The following UNC13C variants were observed in gnomAD, a reference collection of about 807,000 sequenced individuals.
UNC13C encodes unc-13 homolog C, also known as protein unc-13 homolog C.
Under a neutral mutation model 245.4 loss-of-function variants are expected in UNC13C, and 174 were observed. The ratio of observed to expected loss-of-function variants is 0.71; its 90% CI spans 0.63 to 0.80. The LOEUF (loss-of-function observed/expected upper bound fraction) is 0.80, where lower values mean the gene tolerates loss of function less well. Ranked by LOEUF, UNC13C falls within the 30% of genes least tolerant of loss-of-function variation. The probability of loss-of-function intolerance (pLI) is 0.00; values close to 1 mark genes in which losing one functional copy is unlikely to be tolerated. For synonymous variants in UNC13C, 992 were observed against 895.1 expected (o/e 1.11, Z -1.93); for missense variants, 2,829 against 2,602.9 (o/e 1.09, Z -1.89).
chr15:54,124,802 G>A (rs917327614), intron 2 of UNC13C, among the ~76,000 whole-genome samples: 2 of 127,472 alleles, frequency 1.6e-5, no homozygotes, highest in Non-Finnish European at 1.7e-5. Flanking sequence ...TGCAAAAAAT[G>A]TGAAGTTTAG....
chr15:54,573,384 AAC>A (rs1897837716), intron 30 of UNC13C, among the ~76,000 whole-genome samples: 1 of 152,228 alleles, frequency 6.6e-6, no homozygotes, highest in South Asian at 2.1e-4. Flanking sequence ...ATATTGGAAA[AAC>A]AGTCTTCTCT....
intron 4 of UNC13C, among the ~76,000 whole-genome samples, chr15:54,160,482 C>T (rs2032929148): frequency 6.6e-6 from 1 of 151,196 alleles, no homozygotes; most frequent in Admixed American, 6.6e-5. Flanking sequence ...CCAGGATATC[C>T]TTTACTTACT....
At chr15:54,184,971 G>A (rs1056635615) in intron 4 of UNC13C, among the ~76,000 whole-genome samples, 6 of 152,162 alleles carry the variant, frequency 3.9e-5, no homozygotes, top group African/African-American at 1.4e-4. Context: ...TAACTGGTGT[G>A]AGATGGTATC....
intron 2 of UNC13C, among the ~76,000 whole-genome samples, chr15:54,082,869 T>C (rs1012826822): frequency 2.0e-5 from 3 of 152,048 alleles, no homozygotes; most frequent in Admixed American, 6.6e-5. Context: ...TGTGGATAGG[T>C]TCTGTGTGAT....
intron 26 of UNC13C, among the ~76,000 whole-genome samples, chr15:54,541,762 C>T (rs62022200): frequency 0.052 from 7,983 of 152,062 alleles, 353 homozygotes; most frequent in Admixed American, 0.13. Flanking sequence ...TATACAAATG[C>T]TAGATAATGT....
At position 54,014,861 on chromosome 15, in the gene UNC13C, A is replaced by G. The variant is rs532658962; in HGVS notation, c.1958A>G (p.Asp653Gly). Reference protein sequence around the residue: ...YSDSQLSLHEDLSPWKEWNQG... With the variant: ...YSDSQLSLHEGLSPWKEWNQG... ...GATTCTCAGCTCTCTTTACATGAGG[A>G]TCTTTCTCCATGGAAGGAATGGAAT... is the stretch of plus-strand genomic sequence containing the variant. Residue 653 changes from aspartate (D) to glycine (G), a missense_variant, in exon 2 of 33, where the codon GAT becomes GGT. Asp to Gly is a moderately conservative substitution (Grantham distance 94, BLOSUM62 -1). Transcript: ENST00000260323. 5.0e-6 allele frequency: 8 copies of G among 1,613,922 alleles called. No homozygotes were observed. The highest frequency in any genetic ancestry group is 1.1e-5 in the South Asian group (1 of 91,074).
At chr15:54,356,390 C>T (rs1274734795) in intron 17 of UNC13C, among the ~76,000 whole-genome samples, 1 of 152,014 alleles carries the variant, frequency 6.6e-6, no homozygotes, top group Admixed American at 6.6e-5. Context: ...TGTCCATATA[C>T]TGTTCTACCA....
intron 30 of UNC13C, among the ~76,000 whole-genome samples, chr15:54,591,440 G>A (rs373770306): frequency 5.3e-5 from 8 of 151,830 alleles, no homozygotes; most frequent in Admixed American, 3.9e-4. Flanking sequence ...TGTTGGTAAC[G>A]TTCTAATTAT....
At chr15:53,847,088 A>T in the UNC13C span, among the ~76,000 whole-genome samples, 11 of 152,174 alleles carry the variant, frequency 7.2e-5, no homozygotes, top group Admixed American at 5.2e-4. Flanking sequence ...AACAACAAAA[A>T]ACAACAAATG....
intron 17 of UNC13C, among the ~76,000 whole-genome samples, chr15:54,364,649 A>G (rs1273200164): frequency 6.6e-6 from 1 of 152,226 alleles, no homozygotes; most frequent in Non-Finnish European, 1.5e-5. Context: ...ACTCACACAA[A>G]TCTAAATAAG....
intron 4 of UNC13C, among the ~76,000 whole-genome samples, chr15:54,209,588 T>C (rs1410345854): frequency 1.3e-5 from 2 of 151,960 alleles, no homozygotes; most frequent in Non-Finnish European, 2.9e-5. Flanking sequence ...ACTTTCTGTG[T>C]TTTTTTGTAG....
At chr15:54,049,403 C>A in intron 2 of UNC13C, 1 of 508,960 alleles carries the variant, frequency 2.0e-6, no homozygotes, top group South Asian at 1.5e-5. Context: ...TCTTTGAGAT[C>A]AAATATAATT....
chr15:54,233,906 A>G (rs967230277), intron 4 of UNC13C, among the ~76,000 whole-genome samples: 3 of 152,210 alleles, frequency 2.0e-5, no homozygotes, highest in Admixed American at 2.0e-4. Flanking sequence ...TAGTTCAAGT[A>G]AGCATAAGGA....
intron 4 of UNC13C, among the ~76,000 whole-genome samples, chr15:54,221,867 T>C (rs1033785117): frequency 1.3e-5 from 2 of 152,124 alleles, no homozygotes; most frequent in Non-Finnish European, 2.9e-5. Context: ...TGTCCTCTTG[T>C]GGAATGGCAA....
chr15:54,432,111 A>G (rs964888604), intron 19 of UNC13C, among the ~76,000 whole-genome samples: 3 of 151,638 alleles, frequency 2.0e-5, no homozygotes, highest in African/African-American at 7.3e-5. Context: ...ACCATTTAAT[A>G]AGCTAATATT....
chr15:54,497,241 A>T (rs1465008857), intron 20 of UNC13C, among the ~76,000 whole-genome samples: 1 of 152,140 alleles, frequency 6.6e-6, no homozygotes, highest in East Asian at 1.9e-4. Context: ...TTGAGAATCT[A>T]AGATCCCTGA....
the UNC13C span, among the ~76,000 whole-genome samples, chr15:53,964,965 A>G: frequency 0.047 from 7,127 of 152,262 alleles, 271 homozygotes; most frequent in African/African-American, 0.1. Flanking sequence ...CTTTTAGGTA[A>G]GAAAATACAA....
chr15:53,926,541 A>G, the UNC13C span, among the ~76,000 whole-genome samples: 10 of 152,214 alleles, frequency 6.6e-5, no homozygotes, highest in East Asian at 1.2e-3. Flanking sequence ...CCTATATTCC[A>G]TGCTAGTTAT....
intron 24 of UNC13C, 43 bp from the exon 25 acceptor site, chr15:54,525,506 T>C (rs746681568): frequency 6.7e-7 from 1 of 1,498,916 alleles, no homozygotes; most frequent in Non-Finnish European, 9.2e-7. Flanking sequence ...GAGGCATGCT[T>C]TCTCAAAACT....
Sources: allele counts gnomAD v4.1 joint callset (sites outside exome capture counted in the v4.1 genomes callset), GRCh38; gene constraint gnomAD v4.1.1; transcripts MANE v1.5; gene names NCBI Gene and HGNC (gene_info 2026-07-23, HGNC 2026-07-21).